COL11A1: variants seen among roughly 807,000 people sequenced by gnomAD.
COL11A1 encodes the protein collagen alpha-1(XI) chain.
In COL11A1, 74 loss-of-function variants were observed where a neutral mutation model predicts 265.2. That is an observed-to-expected ratio of 0.28 (90% CI 0.23 to 0.34). The LOEUF (loss-of-function observed/expected upper bound fraction) is 0.34, where lower values mean the gene tolerates loss of function less well. Ranked by LOEUF, COL11A1 falls within the 10% of genes least tolerant of loss-of-function variation. The probability of loss-of-function intolerance (pLI) is 1.00; values close to 1 mark genes in which losing one functional copy is unlikely to be tolerated. For synonymous variants in COL11A1, 816 were observed against 727.6 expected, an observed-to-expected ratio of 1.12 and a Z score of -1.96; for missense variants, 2,165 against 2,263.6, an observed-to-expected ratio of 0.96 and a Z score of 0.88.
At chr1:103,102,369 A>T (rs1674344742) in intron 1 of COL11A1, among the ~76,000 whole-genome samples, 1 of 152,086 alleles carries the variant, frequency 6.6e-6, no homozygotes, top group South Asian at 2.1e-4. Context: ...TTAGTGAAAG[A>T]ACTTAGGGAA....
At chr1:103,004,577 A>C in intron 19 of COL11A1, 31 bp downstream of exon 19, 1 of 1,592,816 alleles carries the variant, frequency 6.3e-7, no homozygotes, top group Non-Finnish European at 8.6e-7. Context: ...TTAATTTTAA[A>C]TATTTCTTAA....
At chr1:102,914,913 T>A (rs1324264266) in intron 50 of COL11A1, 102 bp from the exon 51 acceptor site, 2 of 956,286 alleles carry the variant, frequency 2.1e-6, no homozygotes, top group Non-Finnish European at 3.2e-6. Context: ...GGCCAGAATA[T>A]ATTTTTTTTT....
At chr1:102,969,594 C>T (rs1661755766) in intron 37 of COL11A1, among the ~76,000 whole-genome samples, 1 of 152,172 alleles carries the variant, frequency 6.6e-6, no homozygotes, top group South Asian at 2.1e-4. Flanking sequence ...TGCCAGTTTC[C>T]TCTCTGCCCA....
intron 4 of COL11A1, among the ~76,000 whole-genome samples, chr1:103,073,120 G>T (rs1455332077): frequency 6.6e-6 from 1 of 151,706 alleles, no homozygotes; most frequent in East Asian, 1.9e-4. Flanking sequence ...TTTCATTAAA[G>T]AATCCTTTCA....
chr1:102,973,666 G>C (rs1199294621), intron 36 of COL11A1, among the ~76,000 whole-genome samples: 3 of 152,232 alleles, frequency 2.0e-5, no homozygotes, highest in Admixed American at 6.5e-5. Flanking sequence ...TAGTAGGTAA[G>C]CATTATATGC....
intron 3 of COL11A1, among the ~76,000 whole-genome samples, chr1:103,077,683 GT>G (rs1672081685): frequency 6.6e-6 from 1 of 151,948 alleles, no homozygotes; most frequent in Admixed American, 6.6e-5. Context: ...TCTGGATTCA[GT>G]GATAAAATAT....
At chr1:103,025,851 G>A in intron 6 of COL11A1, 1 of 1,613,220 alleles carries the variant, frequency 6.2e-7, no homozygotes, top group Non-Finnish European at 8.5e-7. Context: ...TCTTCTTCTT[G>A]GATGAAAATT....
intron 42 of COL11A1, 94 bp from the exon 43 acceptor site, chr1:102,940,528 T>G: frequency 1.1e-6 from 1 of 898,116 alleles, no homozygotes; most frequent in South Asian, 1.5e-5. Context: ...AGGATATTGT[T>G]TAATGTTTTT....
Position 103,108,488 on chromosome 1 carries a change from G to T in COL11A1, c.-310C>A, listed in dbSNP as rs925268438. The T allele has an allele frequency of 1.7e-6, 1 of 592,686 alleles. No individual in the cohort carries two copies. The highest frequency in any genetic ancestry group is 3.0e-6 in the Non-Finnish European group (1 of 333,982). The allele number at this position is 592,686 out of a possible 1,614,324, so 36.7% of individuals were successfully genotyped here. A position where few individuals can be genotyped will look rare whatever the true frequency, so the allele number is the denominator to read the frequency against. ...AGGGGCTTCCACCAACAAGCTGAGAGTACTGTGTGCCCCTAAAGGCTTCAT... is the reference window on the plus strand; with the variant it reads ...AGGGGCTTCCACCAACAAGCTGAGATTACTGTGTGCCCCTAAAGGCTTCAT... On this transcript the variant is annotated 5_prime_UTR_variant, in exon 1 of 67. Coordinates refer to ENST00000370096, the MANE Select transcript of COL11A1 (RefSeq NM_001854.4).
rs1661029740 is a variant in COL11A1, at chr1:102,962,646, G to A, written c.3024+7C>T. On this transcript the variant is annotated splice_region_variant and intron_variant, in intron 39 of 66. Coordinates refer to ENST00000370096, the MANE Select transcript of COL11A1 (RefSeq NM_001854.4). ...GGCCAAAAAAAGTTTTCTGAAGCATGTTGTACCTTTGCACCTTCTTTTCCT... is the reference window on the plus strand; with the variant it reads ...GGCCAAAAAAAGTTTTCTGAAGCATATTGTACCTTTGCACCTTCTTTTCCT... 1 of 1,613,900 alleles carries A rather than the reference G, an allele frequency of 6.2e-7. No homozygotes were observed.
intron 1 of COL11A1, among the ~76,000 whole-genome samples, chr1:103,088,305 A>G (rs1315808097): frequency 6.6e-6 from 1 of 152,138 alleles, no homozygotes; most frequent in Non-Finnish European, 1.5e-5. Context: ...CTCCGTTTCT[A>G]TATCAGTACA....
At chr1:103,090,122 AAAAT>A (rs545742023) in intron 1 of COL11A1, among the ~76,000 whole-genome samples, 1 of 151,646 alleles carries the variant, frequency 6.6e-6, no homozygotes, top group African/African-American at 2.4e-5. Context: ...GCTTTGTCTC[AAAAT>A]AAATAAATAA....
chr1:102,911,968 A>C (rs1439708571), intron 54 of COL11A1, among the ~76,000 whole-genome samples, 191 bp downstream of exon 54: 1 of 152,188 alleles, frequency 6.6e-6, no homozygotes, highest in African/African-American at 2.4e-5. Context: ...TCTCATTTTT[A>C]TTGTGACAGT....
rs578169094 is a variant in COL11A1 at position 102,975,678 on chromosome 1, G to A, written c.2755-795C>T. ...AGATAATCCTCTATATGCCCAGAAC[G>A]TAATAGTTACATTTATTTAAGAAGA... is the stretch of plus-strand genomic sequence containing the variant. On this transcript the variant is annotated intron_variant, in intron 35 of 66. Coordinates refer to ENST00000370096, the MANE Select transcript of COL11A1 (RefSeq NM_001854.4). 1.6e-3 allele frequency among the ~76,000 whole-genome samples: 236 copies of A among 152,092 alleles called. 1 individual carries two copies. Among genetic ancestry groups the A allele is most frequent in the Middle Eastern group, 0.01 (3 of 294 alleles).
intron 57 of COL11A1, among the ~76,000 whole-genome samples, chr1:102,895,508 A>G (rs1652307194): frequency 6.6e-6 from 1 of 152,170 alleles, no homozygotes; most frequent in African/African-American, 2.4e-5. Flanking sequence ...TGGAACTCCA[A>G]TGATAAGCAA....
intron 4 of COL11A1, among the ~76,000 whole-genome samples, chr1:103,057,663 A>AATC (rs1193199380): frequency 2.0e-5 from 3 of 152,212 alleles, no homozygotes; most frequent in African/African-American, 7.2e-5. Flanking sequence ...AAACAACATT[A>AATC]ATCTCCTTAC....
At chr1:103,070,561 G>T (rs997900197) in intron 4 of COL11A1, among the ~76,000 whole-genome samples, 1 of 151,920 alleles carries the variant, frequency 6.6e-6, no homozygotes, top group Admixed American at 6.6e-5. Flanking sequence ...AAGAAGGAAT[G>T]AATTAAAAAA....
chr1:102,926,494 C>A (rs1439567168), intron 46 of COL11A1, among the ~76,000 whole-genome samples: 1 of 152,070 alleles, frequency 6.6e-6, no homozygotes, highest in African/African-American at 2.4e-5. Context: ...TTGCTAATAT[C>A]TATTCTGCCA....
rs17127270 is a variant in COL11A1 at position 102,940,336 on chromosome 1, G to C, written c.3375C>G (p.Asp1125Glu). ...PAGPAGSPGE[D>E]GDKGEIGEPG... ...AATAATGAATACCAACCTTGTCTCC[G>C]TCTTCCCCAGGGGAGCCGGCAGGAC... The change falls in exon 43 of 67, where the codon GAC (aspartate) becomes GAG (glutamate). Residue 1125 changes from aspartate to glutamate, a missense_variant. Physicochemically the swap from Asp to Glu is conservative, Grantham distance 45. Coordinates refer to ENST00000370096, the MANE Select transcript of COL11A1 (RefSeq NM_001854.4). The C allele has an allele frequency of 1.8e-5, 29 of 1,612,900 alleles. No individual in the cohort carries two copies. Among genetic ancestry groups the C allele is most frequent in the Admixed American group, 5.0e-5 (3 of 59,944 alleles).
Sources: gnomAD v4.1 joint callset for allele counts (sites outside exome capture counted in the v4.1 genomes callset) on GRCh38, gnomAD v4.1.1 for gene constraint, MANE v1.5 for transcripts, NCBI Gene and HGNC (gene_info 2026-07-23, HGNC 2026-07-21) for gene names.